HHAT: variants seen among roughly 807,000 people sequenced by gnomAD.
The protein encoded by HHAT is protein-cysteine N-palmitoyltransferase HHAT.
In HHAT, 47 loss-of-function variants were observed where a neutral mutation model predicts 70.8. That is an observed-to-expected ratio of 0.66 (90% CI 0.53 to 0.85). HHAT has a LOEUF of 0.85. Ranked by LOEUF, HHAT falls within the 40% of genes least tolerant of loss-of-function variation. HHAT has a pLI of 0.00. For missense variants in HHAT, 609 were observed against 604.8 expected, an observed-to-expected ratio of 1.01 and a Z score of -0.07; for synonymous variants, 228 against 247.6, an observed-to-expected ratio of 0.92 and a Z score of 0.74.
chr1:210,334,924 A>G (rs891175405), intron 1 of HHAT, among the ~76,000 whole-genome samples: 1 of 152,172 alleles, frequency 6.6e-6, no homozygotes, highest in African/African-American at 2.4e-5. Context: ...TATATCTACC[A>G]AAAACATTGA....
chr1:210,518,215 C>T (rs1292178082), intron 9 of HHAT, among the ~76,000 whole-genome samples: 1 of 152,120 alleles, frequency 6.6e-6, no homozygotes, highest in East Asian at 1.9e-4. Context: ...AAACTTTGTA[C>T]CCCTTTGCCA....
chr1:210,457,641 G>GGC (rs1553378320), intron 7 of HHAT, among the ~76,000 whole-genome samples: 3 of 152,112 alleles, frequency 2.0e-5, no homozygotes, highest in African/African-American at 4.8e-5. Flanking sequence ...AGAGCTAAGG[G>GGC]GCACCTCTCT....
chr1:210,620,884 T>C (rs1668682095), intron 10 of HHAT, among the ~76,000 whole-genome samples: 1 of 136,204 alleles, frequency 7.3e-6, no homozygotes, highest in African/African-American at 2.5e-5. Context: ...ACAGTTGGTA[T>C]GATTTTGACT....
intron 7 of HHAT, among the ~76,000 whole-genome samples, chr1:210,432,477 A>G (rs1208498155): frequency 6.6e-6 from 1 of 152,008 alleles, no homozygotes; most frequent in East Asian, 1.9e-4. Context: ...ATGGGAGGTC[A>G]TAATTGACTT....
chr1:210,412,452 C>T (rs949000046), intron 6 of HHAT, among the ~76,000 whole-genome samples: 3 of 152,186 alleles, frequency 2.0e-5, no homozygotes, highest in African/African-American at 7.2e-5. Context: ...GCAAATTCCC[C>T]TTCAGCTGTG....
intron 3 of HHAT, among the ~76,000 whole-genome samples, chr1:210,376,014 A>ATTTTTTTTTTTT (rs57707354): frequency 3.2e-4 from 35 of 108,884 alleles, no homozygotes; most frequent in East Asian, 5.2e-4. Flanking sequence ...TGCACAGCTA[A>ATTTTTTTTTTTT]TTTTTTTTTT....
intron 9 of HHAT, among the ~76,000 whole-genome samples, chr1:210,551,366 G>A (rs1445478207): frequency 2.0e-5 from 3 of 149,032 alleles, no homozygotes; most frequent in Admixed American, 6.9e-5. Flanking sequence ...TGAAGATTCT[G>A]CACCATTTAG....
intron 9 of HHAT, among the ~76,000 whole-genome samples, chr1:210,541,289 A>G (rs913301017): frequency 6.6e-5 from 10 of 152,228 alleles, no homozygotes; most frequent in African/African-American, 1.2e-4. Context: ...ATGTTTAGCC[A>G]CTTGACCAGC....
intron 8 of HHAT, among the ~76,000 whole-genome samples, chr1:210,486,585 G>A (rs1011209005): frequency 1.3e-5 from 2 of 152,218 alleles, no homozygotes; most frequent in Admixed American, 1.3e-4. Flanking sequence ...TCCACACCCA[G>A]ACCTTCAGTG....
intron 7 of HHAT, among the ~76,000 whole-genome samples, chr1:210,429,716 G>A (rs901238948): frequency 2.0e-5 from 3 of 151,764 alleles, no homozygotes; most frequent in African/African-American, 7.3e-5. Context: ...ACTTGCGTAT[G>A]GTGGTGGTGC....
chr1:210,559,787 A>C (rs1411393645), intron 9 of HHAT, among the ~76,000 whole-genome samples: 1 of 152,192 alleles, frequency 6.6e-6, no homozygotes, highest in Non-Finnish European at 1.5e-5. Flanking sequence ...TTGACCATCC[A>C]GTCATTGATG....
At chr1:210,491,064 AGTGT>A (rs1553242999) in intron 8 of HHAT, among the ~76,000 whole-genome samples, 11 of 36,224 alleles carry the variant, frequency 3.0e-4, no homozygotes, top group South Asian at 2.5e-3. Flanking sequence ...ACACACACAT[AGTGT>A]GTGTGTGTGT....
chr1:210,334,866 A>G (rs1290093686), intron 1 of HHAT, among the ~76,000 whole-genome samples: 2 of 152,096 alleles, frequency 1.3e-5, no homozygotes, highest in South Asian at 2.1e-4. Flanking sequence ...GGTTTTTCCA[A>G]TAAAATATAT....
intron 6 of HHAT, among the ~76,000 whole-genome samples, chr1:210,410,688 A>G (rs1249524651): frequency 3.3e-5 from 5 of 151,882 alleles, no homozygotes; most frequent in Non-Finnish European, 5.9e-5. Flanking sequence ...CACCACGCCC[A>G]GCTAATTTTG....
chr1:210,375,488 C>T lies in HHAT; in HGVS notation c.160-11980C>T, dbSNP rs576826664. On this transcript the variant is annotated intron_variant, in intron 3 of 11. Transcript: ENST00000261458. The stretch of plus-strand genomic sequence containing the variant: ...TATCCTTTTTCATCTTTTAACTTTC[C>T]ACCTCCCCATTTCATTATATTTAAA... Among the ~76,000 whole-genome samples, 3 of 152,092 alleles carry T rather than the reference C, an allele frequency of 2.0e-5. No homozygotes were observed. The East Asian group carries it at 5.8e-4, about 29-fold the overall frequency.
At chr1:210,497,100 G>C (rs567103276) in intron 8 of HHAT, among the ~76,000 whole-genome samples, 2 of 152,282 alleles carry the variant, frequency 1.3e-5, no homozygotes, top group South Asian at 4.2e-4. Flanking sequence ...TGAGTAATGA[G>C]CTTATGGGAA....
chr1:210,335,307 C>T (rs1245692638), intron 1 of HHAT, among the ~76,000 whole-genome samples: 1 of 121,656 alleles, frequency 8.2e-6, no homozygotes, highest in Non-Finnish European at 1.7e-5. Flanking sequence ...AACTCAGCAC[C>T]CATTCATGAT....
intron 11 of HHAT, among the ~76,000 whole-genome samples, chr1:210,657,357 C>A (rs1344952528): frequency 1.3e-5 from 2 of 152,326 alleles, no homozygotes; most frequent in East Asian, 3.9e-4. Context: ...CAACCAGTCC[C>A]AATCTTCAGT....
chr1:210,583,035 G>A (rs1659618231), intron 9 of HHAT, among the ~76,000 whole-genome samples: 2 of 152,298 alleles, frequency 1.3e-5, no homozygotes, highest in Admixed American at 6.5e-5. Context: ...CAGCCCTGGG[G>A]TTTCTGGAAC....
Sources: gnomAD v4.1 joint callset for allele counts (sites outside exome capture counted in the v4.1 genomes callset) on GRCh38, gnomAD v4.1.1 for gene constraint, MANE v1.5 for transcripts, NCBI Gene and HGNC (gene_info 2026-07-23, HGNC 2026-07-21) for gene names.